The following TTL variants were observed in gnomAD, a reference collection of about 807,000 sequenced individuals.
TTL encodes the protein tubulin tyrosine ligase, also known as tubulin--tyrosine ligase.
TTL carries 10 observed loss-of-function variants against 41.1 expected under a neutral mutation model. The ratio of observed to expected loss-of-function variants is 0.24; its 90% CI spans 0.15 to 0.41. The LOEUF (loss-of-function observed/expected upper bound fraction) is 0.41. TTL is among the 10% of genes least tolerant of loss of function. The pLI is 1.00. For missense variants in TTL, 367 were observed against 460.4 expected (o/e 0.80, Z 1.86); for synonymous variants, 175 against 175.5 (o/e 1.00, Z 0.02).
Position 112,501,244 on chromosome 2 carries a change from C to T in TTL, c.508C>T (p.Leu170Phe). The T allele has an allele frequency of 1.2e-6, 2 of 1,613,802 alleles. No individual in the cohort carries two copies. The highest frequency in any genetic ancestry group is 2.2e-5 in the South Asian group (2 of 91,058). Residue 170 changes from leucine (L) to phenylalanine (F), a missense_variant, in exon 4 of 7, where the codon CTC (leucine) becomes TTC (phenylalanine). Coordinates refer to ENST00000233336, the MANE Select transcript of TTL (RefSeq NM_153712.5). The part of the protein sequence containing the change: ...ILISSEASEL[L>F]DFIDNQGQVH... ...CATCTCCTCAGAGGCTTCAGAGCTT[C>T]TCGATTTCATAGACAACCAGGGCCA...
At chr2:112,492,550 G>A (rs1440483981) in intron 2 of TTL, among the ~76,000 whole-genome samples, 2 of 152,174 alleles carry the variant, frequency 1.3e-5, no homozygotes, top group African/African-American at 4.8e-5. Context: ...CTAACACGGT[G>A]AAACCCCGTC....
At chr2:112,527,283 G>T (rs192407442) in intron 6 of TTL, among the ~76,000 whole-genome samples, 7 of 152,266 alleles carry the variant, frequency 4.6e-5, no homozygotes, top group East Asian at 3.9e-4. Flanking sequence ...GAAGGATGTA[G>T]ATTCTGTTGA....
At chr2:112,486,594 C>A (rs1681245480) in intron 2 of TTL, among the ~76,000 whole-genome samples, 1 of 152,194 alleles carries the variant, frequency 6.6e-6, no homozygotes. Flanking sequence ...CACTGCACTG[C>A]CCATCTCTGA....
At chr2:112,497,580 G>A (rs564438659) in intron 3 of TTL, among the ~76,000 whole-genome samples, 53 of 151,884 alleles carry the variant, frequency 3.5e-4, no homozygotes, top group Non-Finnish European at 5.6e-4. Flanking sequence ...CAAAAAATCT[G>A]AGTCTGATTC....
rs534635262 is a variant in TTL, at chr2:112,541,585, G to C, written c.*12790G>C. On this transcript the variant is annotated 3_prime_UTR_variant, in exon 7 of 7. Coordinates refer to ENST00000233336, the MANE Select transcript of TTL (RefSeq NM_153712.5). ...CAGGGGCAGGAGGATACTGGGTAGT[G>C]GTGGTTTAATTCATTGTTTTAATTG... is the stretch of plus-strand genomic sequence containing the variant. 1 of 154,168 alleles carries C rather than the reference G, an allele frequency of 6.5e-6. No individual in the cohort carries two copies. Among genetic ancestry groups the C allele is most frequent in the Non-Finnish European group, 1.4e-5 (1 of 69,144 alleles). The allele number at this position is 154,168 out of a possible 1,614,324, so 9.6% of individuals were successfully genotyped here.
rs536430675 is a variant in TTL at position 112,500,196 on chromosome 2, A to G, written c.470-1010A>G. Among the ~76,000 whole-genome samples the G allele has an allele frequency of 2.6e-3, 388 of 151,592 alleles. 1 individual carries two copies. The highest frequency in any genetic ancestry group is 9.1e-3 in the African/African-American group (374 of 41,230). On this transcript the variant is annotated intron_variant, in intron 3 of 6. Transcript: ENST00000233336. ...AGAAAGTAGATTAGTGGTTGTCAGA[A>G]GCTGGGGTGAGGAGGGAGTAGTGAG...
intron 6 of TTL, chr2:112,521,428 A>T (rs1682227062): frequency 1.1e-6 from 1 of 894,960 alleles, no homozygotes. Context: ...TCTTCTGAAG[A>T]TCCTCTTTCA....
chr2:112,494,834 T>C (rs1681483444), intron 3 of TTL, among the ~76,000 whole-genome samples: 1 of 152,226 alleles, frequency 6.6e-6, no homozygotes, highest in African/African-American at 2.4e-5. Context: ...GAATAGACTA[T>C]TTCTTGCCGT....
At chr2:112,500,042 A>T (rs1012256406) in intron 3 of TTL, among the ~76,000 whole-genome samples, 1 of 152,262 alleles carries the variant, frequency 6.6e-6, no homozygotes, top group African/African-American at 2.4e-5. Context: ...AGGAGTGAAC[A>T]TGATACTAAT....
intron 3 of TTL, 142 bp from the exon 4 acceptor site, chr2:112,501,064 G>A (rs1559013928): frequency 4.4e-6 from 3 of 684,040 alleles, no homozygotes; most frequent in Non-Finnish European, 7.0e-6. Flanking sequence ...GTGGGGGACT[G>A]GAGTAAGGAA....
chr2:112,527,372 A>T (rs1245619426), intron 6 of TTL, among the ~76,000 whole-genome samples: 1 of 152,062 alleles, frequency 6.6e-6, no homozygotes, highest in Admixed American at 6.6e-5. Context: ...TATCCTTGTT[A>T]ACTTTTAGTC....
At chr2:112,497,560 A>G (rs1681568934) in intron 3 of TTL, among the ~76,000 whole-genome samples, 1 of 152,068 alleles carries the variant, frequency 6.6e-6, no homozygotes, top group Admixed American at 6.6e-5. Context: ...AATTTTTGAT[A>G]CTGTTGTATC....
In TTL at chr2:112,530,750, AG is replaced by A. The variant is rs1412320037; in HGVS notation, c.*1957del. On this transcript the variant is annotated 3_prime_UTR_variant, in exon 7 of 7. Transcript: ENST00000233336. Reference sequence around the variant, plus strand: ...TAACAGAGCTAAGAATTCAGATGTCAGGAAGTCTGTGAATCTTGATGGATTT... The same window carrying A: ...TAACAGAGCTAAGAATTCAGATGTCAGAAGTCTGTGAATCTTGATGGATTT... 1 of 204,910 alleles carries A rather than the reference AG, an allele frequency of 4.9e-6. No homozygotes were observed. The highest frequency in any genetic ancestry group is 2.3e-5 in the African/African-American group (1 of 43,726). The allele number at this position is 204,910 out of a possible 1,614,324, so 12.7% of individuals were successfully genotyped here.
chr2:112,496,672 TGTGTG>T (rs1681535286), intron 3 of TTL, among the ~76,000 whole-genome samples: 1 of 99,084 alleles, frequency 1.0e-5, no homozygotes, highest in East Asian at 3.3e-4. Context: ...TGTCTGTGTG[TGTGTG>T]TGTGTGTGTG....
chr2:112,521,750 A>G (rs1393477987), intron 6 of TTL, among the ~76,000 whole-genome samples: 1 of 152,172 alleles, frequency 6.6e-6, no homozygotes, highest in Admixed American at 6.5e-5. Context: ...TTTCGTGGGG[A>G]GAGACTGTGA....
chr2:112,488,914 C>G (rs1295980705), intron 2 of TTL, among the ~76,000 whole-genome samples: 3 of 151,952 alleles, frequency 2.0e-5, no homozygotes, highest in African/African-American at 7.3e-5. Context: ...TGGTGAAACC[C>G]CGTCTCTATT....
chr2:112,501,245 T>C lies in TTL; in HGVS notation c.509T>C (p.Leu170Pro). ...ILISSEASELLDFIDNQGQVH... is the reference protein window; with the variant it reads ...ILISSEASELPDFIDNQGQVH... ...ATCTCCTCAGAGGCTTCAGAGCTTCTCGATTTCATAGACAACCAGGGCCAA... is the reference window on the plus strand; with the variant it reads ...ATCTCCTCAGAGGCTTCAGAGCTTCCCGATTTCATAGACAACCAGGGCCAA... The change falls in exon 4 of 7, where the codon CTC (leucine) becomes CCC (proline). Residue 170 changes from leucine to proline, a missense_variant. Coordinates refer to ENST00000233336, the MANE Select transcript of TTL (RefSeq NM_153712.5). 6.2e-7 allele frequency: 1 copy of C among 1,613,880 alleles called. No homozygotes were observed. Among genetic ancestry groups the C allele is most frequent in the Non-Finnish European group, 8.5e-7 (1 of 1,179,816 alleles).
intron 2 of TTL, among the ~76,000 whole-genome samples, chr2:112,490,908 C>T (rs1482857954): frequency 1.3e-5 from 2 of 152,058 alleles, no homozygotes; most frequent in Non-Finnish European, 2.9e-5. Flanking sequence ...AACTGAAGTC[C>T]TATCTGTCAT....
chr2:112,533,227 A>G lies in TTL; in HGVS notation c.*4432A>G, dbSNP rs1682543987. On this transcript the variant is annotated 3_prime_UTR_variant, in exon 7 of 7. Transcript: ENST00000233336. ...GCACTCCACTCCAAACAGGTTTCACATACACTATGACACATTCCCAGTGGA... is the reference window on the plus strand; with the variant it reads ...GCACTCCACTCCAAACAGGTTTCACGTACACTATGACACATTCCCAGTGGA... 6.6e-6 allele frequency: 1 copy of G among 152,314 alleles called. No homozygotes were observed. 9.4% of individuals were successfully genotyped at this position (152,314 alleles called of 1,614,324 possible). A position where few individuals can be genotyped will look rare whatever the true frequency, so the allele number is the denominator to read the frequency against.
Sources: allele counts gnomAD v4.1 joint callset (sites outside exome capture counted in the v4.1 genomes callset), GRCh38; gene constraint gnomAD v4.1.1; transcripts MANE v1.5; gene names NCBI Gene and HGNC (gene_info 2026-07-23, HGNC 2026-07-21).